The following ATXN7 variants were observed in gnomAD, a reference collection of about 807,000 sequenced individuals.
ATXN7 encodes the protein ataxin-7.
In ATXN7, 12 loss-of-function variants were observed where a neutral mutation model predicts 70.5. The ratio of observed to expected loss-of-function variants is 0.17; its 90% CI spans 0.11 to 0.28. ATXN7 has a LOEUF of 0.28. Among genes scored for constraint, ATXN7 ranks in the 10% least tolerant of loss-of-function variants. The probability of loss-of-function intolerance (pLI) is 1.00; values close to 1 mark genes in which losing one functional copy is unlikely to be tolerated. For synonymous variants in ATXN7, 498 were observed against 448.7 expected (o/e 1.11, Z -1.39); for missense variants, 1,256 against 1,131.7 (o/e 1.11, Z -1.58).
chr3:63,966,986 G>A (rs2075234973), intron 5 of ATXN7, among the ~76,000 whole-genome samples: 1 of 152,094 alleles, frequency 6.6e-6, no homozygotes, highest in South Asian at 2.1e-4. Flanking sequence ...TTAGAACTCT[G>A]TCACCTGGGC....
intron 12 of ATXN7, chr3:63,998,365 T>C: frequency 1.0e-6 from 1 of 985,304 alleles, no homozygotes; most frequent in African/African-American, 1.7e-5. Context: ...TGTGTATATA[T>C]ATATGTATAC....
chr3:63,934,332 G>A (rs2074618271), intron 4 of ATXN7, among the ~76,000 whole-genome samples: 1 of 152,104 alleles, frequency 6.6e-6, no homozygotes, highest in African/African-American at 2.4e-5. Flanking sequence ...GATTCACAGA[G>A]GGAAAGAACT....
chr3:63,961,705 T>G (rs533669811), intron 5 of ATXN7, among the ~76,000 whole-genome samples: 156 of 152,012 alleles, frequency 1.0e-3, no homozygotes, highest in African/African-American at 3.4e-3. Flanking sequence ...AGTTGGAAAT[T>G]TTTTTTAAAA....
chr3:63,902,879 TAAA>T (rs1703697910), intron 2 of ATXN7, among the ~76,000 whole-genome samples: 2 of 152,202 alleles, frequency 1.3e-5, no homozygotes, highest in Admixed American at 1.3e-4. Context: ...AATCATCTTT[TAAA>T]ATAATCATCC....
intron 5 of ATXN7, among the ~76,000 whole-genome samples, chr3:63,979,372 A>C (rs1383834534): frequency 6.6e-6 from 1 of 152,242 alleles, no homozygotes; most frequent in Non-Finnish European, 1.5e-5. Flanking sequence ...ACAGATTCTT[A>C]GGGAACGATA....
chr3:63,890,194 A>G (rs1703213835), intron 1 of ATXN7, among the ~76,000 whole-genome samples: 1 of 152,214 alleles, frequency 6.6e-6, no homozygotes, highest in African/African-American at 2.4e-5. Context: ...TCTTGGTCAG[A>G]TTTACTCAAG....
At chr3:63,869,866 T>A (rs1361930840) in intron 1 of ATXN7, among the ~76,000 whole-genome samples, 1 of 152,248 alleles carries the variant, frequency 6.6e-6, no homozygotes, top group East Asian at 1.9e-4. Context: ...AACATCTTGA[T>A]GACCTATTGG....
chr3:63,978,463 A>G lies in ATXN7; in HGVS notation c.500-1452A>G, dbSNP rs528819380. Reference sequence around the variant, plus strand: ...TTACAATCCTGGCTGACAAGTGCTGATGCTTAAAAGTATGTTCAGAGTGTT... The same window carrying G: ...TTACAATCCTGGCTGACAAGTGCTGGTGCTTAAAAGTATGTTCAGAGTGTT... On this transcript the variant is annotated intron_variant, in intron 5 of 12. Coordinates refer to ENST00000674280, the MANE Select transcript of ATXN7 (RefSeq NM_001377405.1). Among the ~76,000 whole-genome samples, 52 of 152,362 alleles carry G rather than the reference A, an allele frequency of 3.4e-4. No individual in the cohort carries two copies. The South Asian group carries it at 9.5e-3, about 28-fold the overall frequency.
Position 64,003,399 on chromosome 3 carries a change from T to C in ATXN7, c.*3932T>C, listed in dbSNP as rs567937462. The C allele has an allele frequency of 1.3e-5, 2 of 152,224 alleles. No homozygotes were observed. The highest frequency in any genetic ancestry group is 2.1e-4 in the South Asian group (1 of 4,826). 9.4% of individuals were successfully genotyped at this position (152,224 alleles called of 1,614,324 possible). A position where few individuals can be genotyped will look rare whatever the true frequency, so the allele number is the denominator to read the frequency against. ...TTGGATATTTAAAAGAGAAGAAATATATAGTCTATTTGTTTTGTAACAAGT... is the reference window on the plus strand; with the variant it reads ...TTGGATATTTAAAAGAGAAGAAATACATAGTCTATTTGTTTTGTAACAAGT... On this transcript the variant is annotated 3_prime_UTR_variant, in exon 13 of 13. Coordinates refer to ENST00000674280, the MANE Select transcript of ATXN7 (RefSeq NM_001377405.1).
chr3:63,941,996 CTT>C (rs1297014646), intron 4 of ATXN7, among the ~76,000 whole-genome samples: 1 of 152,224 alleles, frequency 6.6e-6, no homozygotes. Context: ...CAGCCTTCCT[CTT>C]CTCTCTGGTT....
At position 63,988,305 on chromosome 3, in the gene ATXN7, C is replaced by T; in HGVS notation, c.1342C>T (p.His448Tyr). The T allele has an allele frequency of 1.2e-6, 2 of 1,614,112 alleles. No homozygotes were observed. The highest frequency in any genetic ancestry group is 1.7e-6 in the Non-Finnish European group (2 of 1,180,036). The stretch of plus-strand genomic sequence containing the variant: ...TTTTGTAGCTAGTAAACCTAAACCT[C>T]ACACCCCCAGTCTTCCAAGGTAAGC... ...KPFVASKPKP[H>Y]TPSLPRPPGC... is the part of the protein sequence containing the mutation. The change falls in exon 9 of 13, where the codon CAC (histidine) becomes TAC (tyrosine). Residue 448 changes from histidine (H) to tyrosine (Y), a missense_variant. Transcript: ENST00000674280.
intron 4 of ATXN7, among the ~76,000 whole-genome samples, chr3:63,923,988 C>A (rs1704606164): frequency 6.6e-6 from 1 of 152,104 alleles, no homozygotes; most frequent in Admixed American, 6.5e-5. Flanking sequence ...AGGGAATGAT[C>A]TAATTCATGT....
At chr3:63,962,089 A>G (rs2075141940) in intron 5 of ATXN7, among the ~76,000 whole-genome samples, 1 of 152,172 alleles carries the variant, frequency 6.6e-6, no homozygotes. Context: ...TACTAGTCCA[A>G]GTCCATAAAA....
intron 3 of ATXN7, 115 bp downstream of exon 3, chr3:63,913,038 G>T: frequency 4.9e-6 from 7 of 1,436,132 alleles, no homozygotes; most frequent in Non-Finnish European, 6.8e-6. Context: ...AGATGCTATC[G>T]TTTGCTGGGT....
At chr3:63,975,269 A>G (rs1435083616) in intron 5 of ATXN7, among the ~76,000 whole-genome samples, 4 of 152,232 alleles carry the variant, frequency 2.6e-5, no homozygotes, top group Non-Finnish European at 5.9e-5. Context: ...TACTATGCTC[A>G]GGAATGATAG....
intron 4 of ATXN7, among the ~76,000 whole-genome samples, chr3:63,915,691 T>A (rs867055419): frequency 0.019 from 2,888 of 151,942 alleles, 96 homozygotes; most frequent in African/African-American, 0.063. Flanking sequence ...TATTTATTTT[T>A]TTTTTTTTTT....
chr3:63,863,761 C>T, upstream of ATXN7: 1 of 1,249,844 alleles, frequency 8.0e-7, no homozygotes, highest in Non-Finnish European at 1.0e-6. Context: ...TGGCGGCGAG[C>T]GGGGCCTCAC....
intron 5 of ATXN7, among the ~76,000 whole-genome samples, chr3:63,953,691 T>C (rs1397126789): frequency 6.7e-6 from 1 of 150,016 alleles, no homozygotes; most frequent in Non-Finnish European, 1.5e-5. Context: ...CTCTCTGTCA[T>C]CCACGTTGGA....
intron 4 of ATXN7, among the ~76,000 whole-genome samples, chr3:63,946,990 G>C (rs547721648): frequency 3.9e-5 from 6 of 152,290 alleles, no homozygotes; most frequent in African/African-American, 1.4e-4. Flanking sequence ...AGTGGCACTG[G>C]CATAGAGGAG....
Sources: allele counts gnomAD v4.1 joint callset (sites outside exome capture counted in the v4.1 genomes callset), GRCh38; gene constraint gnomAD v4.1.1; transcripts MANE v1.5; gene names NCBI Gene and HGNC (gene_info 2026-07-23, HGNC 2026-07-21).